COL23A1: variants seen among roughly 807,000 people sequenced by gnomAD.
COL23A1 encodes collagen alpha-1(XXIII) chain.
A neutral mutation model predicts 99.3 loss-of-function variants in COL23A1; 97 were observed. That is an observed-to-expected ratio of 0.98 (90% CI 0.83 to 1.16). The LOEUF is 1.16. COL23A1 is among the 50% of genes most tolerant of loss of function. The pLI is 0.00. For missense variants in COL23A1, 762 were observed against 757.4 expected (o/e 1.01, Z -0.07); for synonymous variants, 320 against 308.2 (o/e 1.04, Z -0.40).
Position 178,255,176 on chromosome 5 carries a change from G to T in COL23A1, c.883-150C>A. On this transcript the variant is annotated intron_variant, in intron 15 of 28. Transcript: ENST00000390654. The surrounding 1 kb of genome is among the most constrained non-coding windows in gnomAD (Gnocchi z 4.2). ...CGCATGCCCCTCCCCAGGGTGGATG[G>T]AGGGAACGGGAGGCAGGCCCTGTGG... 1.5e-6 allele frequency: 1 copy of T among 653,848 alleles called. No individual in the cohort carries two copies. Among genetic ancestry groups the T allele is most frequent in the Non-Finnish European group, 2.7e-6 (1 of 371,252 alleles). 40.5% of individuals were successfully genotyped at this position (653,848 alleles called of 1,614,324 possible).
At chr5:178,456,809 G>A (rs1391654) in intron 2 of COL23A1, among the ~76,000 whole-genome samples, 55,074 of 152,056 alleles carry the variant, frequency 0.36, 10,852 homozygotes, top group African/African-American at 0.5. Flanking sequence ...CAAACGTAAC[G>A]AAGGATTGTT....
At chr5:178,447,205 T>C (rs1298348169) in intron 2 of COL23A1, among the ~76,000 whole-genome samples, 2 of 151,994 alleles carry the variant, frequency 1.3e-5, no homozygotes, top group African/African-American at 4.8e-5. Context: ...GCGACTCTCC[T>C]GCCTCAGCCT....
chr5:178,565,621 G>A (rs754361803), intron 1 of COL23A1, among the ~76,000 whole-genome samples: 10 of 152,132 alleles, frequency 6.6e-5, no homozygotes, highest in Admixed American at 1.3e-4. Context: ...GCCAGACACT[G>A]CGCCAATTGC....
rs545863704 is a variant in COL23A1 at position 178,366,418 on chromosome 5, G to A, written c.362-59499C>T. 8.5e-5 allele frequency among the ~76,000 whole-genome samples: 13 copies of A among 152,266 alleles called. No homozygotes were observed. The South Asian group carries it at 1.7e-3, about 19-fold the overall frequency. On this transcript the variant is annotated intron_variant, in intron 2 of 28. Coordinates refer to ENST00000390654, the MANE Select transcript of COL23A1 (RefSeq NM_173465.4). This position sits in a 1 kb window ranked among gnomAD's most constrained non-coding sequence, Gnocchi z 4.4. ...GGGTCTGTCTTCCCAGCTCCCATCC[G>A]CCCTTCCCTGCATCCTCCTGGGCTG...
At chr5:178,363,707 G>A (rs1762301527) in intron 2 of COL23A1, among the ~76,000 whole-genome samples, 1 of 152,164 alleles carries the variant, frequency 6.6e-6, no homozygotes, top group Non-Finnish European at 1.5e-5. Flanking sequence ...CACCGGCTGT[G>A]GGTGTCGGCT....
At position 178,384,608 on chromosome 5, in the gene COL23A1, G is replaced by C. The variant is rs1043733869; in HGVS notation, c.362-77689C>G. Among the ~76,000 whole-genome samples, 2 of 152,138 alleles carry C rather than the reference G, an allele frequency of 1.3e-5. No individual in the cohort carries two copies. Among genetic ancestry groups the C allele is most frequent in the East Asian group, 3.9e-4 (2 of 5,180 alleles). Reference sequence around the variant, plus strand: ...ATTCTGCTCCTGCCTCAGAGATCACGGTTTGACATGGGAAACCAAGGCTCA... The same window carrying C: ...ATTCTGCTCCTGCCTCAGAGATCACCGTTTGACATGGGAAACCAAGGCTCA... On this transcript the variant is annotated intron_variant, in intron 2 of 28. Coordinates refer to ENST00000390654, the MANE Select transcript of COL23A1 (RefSeq NM_173465.4). This position sits in a 1 kb window ranked among gnomAD's most constrained non-coding sequence, Gnocchi z 5.5.
intron 2 of COL23A1, among the ~76,000 whole-genome samples, chr5:178,336,285 C>T (rs114958251): frequency 0.019 from 2,946 of 152,266 alleles, 47 homozygotes; most frequent in South Asian, 0.079. Flanking sequence ...TACTTGTACA[C>T]GAATGTTCCT....
intron 2 of COL23A1, among the ~76,000 whole-genome samples, chr5:178,514,525 C>G (rs927319727): frequency 2.6e-5 from 4 of 152,338 alleles, no homozygotes; most frequent in South Asian, 2.1e-4. Flanking sequence ...TATGTGGAAG[C>G]CCAGCAATCT....
intron 2 of COL23A1, among the ~76,000 whole-genome samples, chr5:178,547,249 C>A (rs558918536): frequency 2.7e-4 from 41 of 152,176 alleles, no homozygotes; most frequent in Non-Finnish European, 4.4e-4. Flanking sequence ...CAATCATCAG[C>A]CCCTGGGGCA....
chr5:178,388,312 A>G (rs2973737), intron 2 of COL23A1, among the ~76,000 whole-genome samples: 78,798 of 152,028 alleles, frequency 0.52, 21,209 homozygotes, highest in African/African-American at 0.66. Flanking sequence ...CTGGGGTGGC[A>G]TGGGGATGAG....
intron 1 of COL23A1, among the ~76,000 whole-genome samples, chr5:178,578,789 G>A (rs1249668083): frequency 1.3e-5 from 2 of 151,480 alleles, no homozygotes; most frequent in African/African-American, 2.4e-5. Flanking sequence ...GCATTTCGCC[G>A]TGTTGCCGCC....
chr5:178,433,342 C>T (rs1242113820), intron 2 of COL23A1, among the ~76,000 whole-genome samples: 1 of 152,146 alleles, frequency 6.6e-6, no homozygotes, highest in Non-Finnish European at 1.5e-5. Context: ...AATGAACAGC[C>T]AGATGAGGGG....
At chr5:178,356,010 T>C (rs1761628699) in intron 2 of COL23A1, among the ~76,000 whole-genome samples, 2 of 152,204 alleles carry the variant, frequency 1.3e-5, no homozygotes, top group Admixed American at 6.5e-5. Context: ...TTTCCTGATA[T>C]GGGATGATTT....
rs569080895 is a variant in COL23A1 at position 178,417,854 on chromosome 5, G to C, written c.362-110935C>G. Among the ~76,000 whole-genome samples, 5 of 152,342 alleles carry C rather than the reference G, an allele frequency of 3.3e-5. No individual in the cohort carries two copies. The South Asian group carries it at 1.0e-3, about 32-fold the overall frequency. ...AACCTGGGCTGCAACAACAACCTCT[G>C]ACTTGGGCCCAAAGAAAATTGCATT... On this transcript the variant is annotated intron_variant, in intron 2 of 28. Coordinates refer to ENST00000390654, the MANE Select transcript of COL23A1 (RefSeq NM_173465.4).
At chr5:178,388,409 C>T (rs1296133439) in intron 2 of COL23A1, among the ~76,000 whole-genome samples, 1 of 152,172 alleles carries the variant, frequency 6.6e-6, no homozygotes, top group African/African-American at 2.4e-5. Flanking sequence ...GAACCTGCAG[C>T]GGGGCAGCTC....
At chr5:178,421,497 G>A (rs751453712) in intron 2 of COL23A1, among the ~76,000 whole-genome samples, 12 of 152,272 alleles carry the variant, frequency 7.9e-5, no homozygotes, top group Middle Eastern at 6.8e-3. Context: ...ATCAAAGTCT[G>A]CCTTCTCCTC....
intron 2 of COL23A1, among the ~76,000 whole-genome samples, chr5:178,537,325 G>C (rs1319836724): frequency 2.0e-5 from 3 of 152,254 alleles, no homozygotes; most frequent in African/African-American, 7.2e-5. Context: ...GTCGTATTCA[G>C]ATTCTGCCAG....
intron 2 of COL23A1, among the ~76,000 whole-genome samples, chr5:178,379,269 T>C (rs1175979032): frequency 3.3e-5 from 5 of 152,074 alleles, no homozygotes; most frequent in African/African-American, 1.2e-4. Context: ...TAACCAAAAC[T>C]TGAAAGGTAT....
chr5:178,435,290 C>T (rs532812279), intron 2 of COL23A1, among the ~76,000 whole-genome samples: 96 of 152,302 alleles, frequency 6.3e-4, no homozygotes, highest in Non-Finnish European at 1.2e-3. Flanking sequence ...CCCAGCTGAA[C>T]GGGACTTCCT....
Sources: gnomAD v4.1 joint callset for allele counts (sites outside exome capture counted in the v4.1 genomes callset) on GRCh38, gnomAD v4.1.1 for gene constraint, Gnocchi (gnomAD v3.1) non-coding constraint, MANE v1.5 for transcripts, NCBI Gene and HGNC (gene_info 2026-07-23, HGNC 2026-07-21) for gene names.